Variants in TBL1X observed in about 807,000 individuals in gnomAD.
TBL1X encodes the protein transducin beta like 1 X-linked.
Under a neutral mutation model 50.7 loss-of-function variants are expected in TBL1X, and 10 were observed. The observed-to-expected ratio is 0.20, with a 90% CI of 0.12 to 0.33. TBL1X has a LOEUF of 0.33. TBL1X is among the 10% of genes least tolerant of loss of function. The probability of loss-of-function intolerance (pLI) is 1.00; values close to 1 mark genes in which losing one functional copy is unlikely to be tolerated. For synonymous variants in TBL1X, 190 were observed against 214.7 expected (o/e 0.88, Z 1.01); for missense variants, 340 against 504.4 (o/e 0.67, Z 3.12).
intron 2 of TBL1X, among the ~76,000 whole-genome samples, chrX:9,582,752 G>A (rs2082448977): frequency 8.9e-6 from 1 of 112,222 alleles, no homozygotes; most frequent in African/African-American, 3.2e-5. Context: ...CACATATATA[G>A]TTCAGATGCT....
intron 16 of TBL1X, among the ~76,000 whole-genome samples, chrX:9,712,613 A>G (rs1370502239): frequency 8.9e-6 from 1 of 112,582 alleles, no homozygotes; most frequent in Non-Finnish European, 1.9e-5. Context: ...CTGGGATTAC[A>G]GGTGTGAGCC....
chrX:9,712,478 C>T (rs1400566968), intron 16 of TBL1X, among the ~76,000 whole-genome samples: 1 of 112,406 alleles, frequency 8.9e-6, no homozygotes, highest in Non-Finnish European at 1.9e-5. Flanking sequence ...GCTGGAATTA[C>T]AGGCACCCGC....
chrX:9,604,110 C>G (rs2082570435), intron 2 of TBL1X, among the ~76,000 whole-genome samples: 1 of 111,845 alleles, frequency 8.9e-6, no homozygotes, highest in Non-Finnish European at 1.9e-5. Flanking sequence ...AGTAGTCATG[C>G]CCCACCCCAT....
intron 2 of TBL1X, among the ~76,000 whole-genome samples, chrX:9,507,537 A>G (rs186800479): frequency 4.9e-4 from 55 of 112,339 alleles, no homozygotes; most frequent in African/African-American, 1.5e-3. Context: ...TATACATTCA[A>G]TGTTGTTCCT....
intron 2 of TBL1X, among the ~76,000 whole-genome samples, chrX:9,634,077 T>A (rs1318514190): frequency 9.0e-6 from 1 of 110,692 alleles, no homozygotes; most frequent in African/African-American, 3.3e-5. Flanking sequence ...CACCGTGAGG[T>A]TGTGGGAGGT....
intron 2 of TBL1X, among the ~76,000 whole-genome samples, chrX:9,509,076 T>G (rs1258214773): frequency 1.8e-5 from 1 of 56,496 alleles, no homozygotes; most frequent in Admixed American, 2.4e-4. Flanking sequence ...TATCCTGTTT[T>G]TTTTGTTTTT....
intron 1 of TBL1X, among the ~76,000 whole-genome samples, chrX:9,499,950 C>T (rs1039403792): frequency 1.8e-5 from 2 of 108,454 alleles, no homozygotes; most frequent in Non-Finnish European, 3.8e-5. Context: ...TGCACTCCAG[C>T]CTGGGCAACA....
intron 16 of TBL1X, among the ~76,000 whole-genome samples, chrX:9,714,606 T>G (rs757939130): frequency 1.2e-4 from 13 of 111,932 alleles, no homozygotes; most frequent in Non-Finnish European, 2.1e-4. Context: ...AGTCTGAGTC[T>G]CAGCAGGTGA....
intron 2 of TBL1X, among the ~76,000 whole-genome samples, chrX:9,578,830 A>C (rs1307681881): frequency 8.9e-6 from 1 of 112,404 alleles, no homozygotes; most frequent in African/African-American, 3.2e-5. Flanking sequence ...CCTCTACTCA[A>C]TGAAAATCAC....
chrX:9,495,627 T>C (rs184626492), intron 1 of TBL1X, among the ~76,000 whole-genome samples: 1,914 of 111,523 alleles, frequency 0.017, 24 homozygotes, highest in Non-Finnish European at 0.028. Context: ...ATTGTGTGTT[T>C]CTGTTGGTTC....
chrX:9,625,272 C>T (rs1037869489), intron 2 of TBL1X, among the ~76,000 whole-genome samples: 2 of 112,370 alleles, frequency 1.8e-5, no homozygotes, highest in Admixed American at 1.9e-4. Context: ...ATTCCAATGA[C>T]CAGTGAGTGT....
intron 2 of TBL1X, among the ~76,000 whole-genome samples, chrX:9,592,030 G>A (rs1157836374): frequency 8.9e-6 from 1 of 112,369 alleles, no homozygotes; most frequent in Non-Finnish European, 1.9e-5. Context: ...TGACAAAGGG[G>A]TTTTTAAATT....
intron 9 of TBL1X, 95 bp from the exon 10 acceptor site, chrX:9,693,052 CCA>C: frequency 1.2e-6 from 1 of 868,948 alleles, no homozygotes; most frequent in South Asian, 2.1e-5. Flanking sequence ...GCAAATGGTT[CCA>C]GTGTACCTGG....
chrX:9,583,906 A>G (rs1272874664), intron 2 of TBL1X, among the ~76,000 whole-genome samples: 7 of 112,330 alleles, frequency 6.2e-5, no homozygotes, highest in Non-Finnish European at 1.1e-4. Context: ...AAGGAGGATG[A>G]CCAGCAGCAG....
intron 2 of TBL1X, among the ~76,000 whole-genome samples, chrX:9,612,733 G>T (rs1050321367): frequency 3.6e-5 from 4 of 110,942 alleles, no homozygotes; most frequent in African/African-American, 1.3e-4. Context: ...CAAGTCATGG[G>T]AGATGGATAC....
intron 2 of TBL1X, among the ~76,000 whole-genome samples, chrX:9,557,297 C>T (rs761296779): frequency 8.9e-5 from 10 of 112,482 alleles, no homozygotes; most frequent in East Asian, 2.8e-4. Context: ...CGACACAATC[C>T]ATTACATATT....
intron 2 of TBL1X, among the ~76,000 whole-genome samples, chrX:9,576,209 G>A (rs1360460999): frequency 1.8e-5 from 2 of 112,254 alleles, no homozygotes; most frequent in South Asian, 3.7e-4. Flanking sequence ...GACTGTTAGC[G>A]AAGTGGGTTG....
intron 2 of TBL1X, among the ~76,000 whole-genome samples, chrX:9,631,983 T>C (rs1292442296): frequency 8.9e-6 from 1 of 112,496 alleles, no homozygotes; most frequent in Non-Finnish European, 1.9e-5. Flanking sequence ...GTGTAGAGTT[T>C]TGCATTGATA....
intron 12 of TBL1X, among the ~76,000 whole-genome samples, chrX:9,698,924 T>C (rs938622355): frequency 9.0e-6 from 1 of 111,670 alleles, no homozygotes; most frequent in Non-Finnish European, 1.9e-5. Context: ...CTCTGGAGTC[T>C]GTAGAGATTC....
Sources: allele counts gnomAD v4.1 joint callset (sites outside exome capture counted in the v4.1 genomes callset), GRCh38; gene constraint gnomAD v4.1.1; transcripts MANE v1.5; gene names NCBI Gene and HGNC (gene_info 2026-07-23, HGNC 2026-07-21).